Variants in RNF13 observed in about 807,000 individuals in gnomAD.
The protein encoded by RNF13 is E3 ubiquitin-protein ligase RNF13.
A neutral mutation model predicts 37.7 loss-of-function variants in RNF13; 19 were observed. The observed-to-expected ratio is 0.50, with a 90% CI of 0.35 to 0.74. The LOEUF (loss-of-function observed/expected upper bound fraction) is 0.74. Among genes scored for constraint, RNF13 ranks in the 30% least tolerant of loss-of-function variants. The probability of loss-of-function intolerance (pLI) is 0.01; values close to 1 mark genes in which losing one functional copy is unlikely to be tolerated. For missense variants in RNF13, 375 were observed against 453.0 expected (o/e 0.83, Z 1.56); for synonymous variants, 144 against 157.8 (o/e 0.91, Z 0.65).
chr3:149,951,341 C>A (rs1042310325), intron 8 of RNF13, among the ~76,000 whole-genome samples: 11 of 152,148 alleles, frequency 7.2e-5, no homozygotes, highest in African/African-American at 2.7e-4. Context: ...ACTGAGGATG[C>A]AAGTTGGGTG....
intron 7 of RNF13, among the ~76,000 whole-genome samples, chr3:149,915,393 C>A (rs1717403563): frequency 6.6e-6 from 1 of 152,116 alleles, no homozygotes; most frequent in South Asian, 2.1e-4. Flanking sequence ...ACTAGACAAT[C>A]CCTTGAGCAC....
chr3:149,825,863 C>T (rs1026483195), intron 1 of RNF13, among the ~76,000 whole-genome samples: 1 of 152,118 alleles, frequency 6.6e-6, no homozygotes, highest in Non-Finnish European at 1.5e-5. Flanking sequence ...AATCATGAAA[C>T]CACCTATATA....
At chr3:149,905,454 TAGA>T (rs1156289344) in intron 6 of RNF13, among the ~76,000 whole-genome samples, 1 of 152,086 alleles carries the variant, frequency 6.6e-6, no homozygotes, top group African/African-American at 2.4e-5. Flanking sequence ...TCCCTATTTT[TAGA>T]AGTTCTGTAT....
At chr3:149,852,472 A>G (rs1185369942) in intron 2 of RNF13, 44 bp from the exon 3 acceptor site, 7 of 821,782 alleles carry the variant, frequency 8.5e-6, no homozygotes, top group East Asian at 2.9e-5. Context: ...TTAATGTTAT[A>G]TATAAATTGG....
chr3:149,921,976 G>GT (rs1036889928), intron 8 of RNF13, among the ~76,000 whole-genome samples: 32 of 148,778 alleles, frequency 2.2e-4, no homozygotes, highest in Admixed American at 5.4e-4. Context: ...TTCCTGACTT[G>GT]TTTTTTTTTT....
chr3:149,847,439 C>T (rs1429050117), intron 2 of RNF13, among the ~76,000 whole-genome samples: 1 of 152,178 alleles, frequency 6.6e-6, no homozygotes, highest in Non-Finnish European at 1.5e-5. Context: ...TGTGCTTCTG[C>T]ACATTGCAGT....
chr3:149,868,424 A>T (rs1405766103), intron 3 of RNF13, among the ~76,000 whole-genome samples: 1 of 151,802 alleles, frequency 6.6e-6, no homozygotes, highest in East Asian at 1.9e-4. Flanking sequence ...ACTTTTGTTT[A>T]TCTGGGAAAA....
At chr3:149,923,784 GAAAA>G (rs1338072760) in intron 8 of RNF13, among the ~76,000 whole-genome samples, 10 of 142,502 alleles carry the variant, frequency 7.0e-5, no homozygotes, top group African/African-American at 2.6e-4. Flanking sequence ...AAAAAAAAAA[GAAAA>G]GTTTAAAAAA....
chr3:149,857,823 A>G (rs976954336), intron 3 of RNF13, among the ~76,000 whole-genome samples: 3 of 152,188 alleles, frequency 2.0e-5, no homozygotes, highest in African/African-American at 7.2e-5. Context: ...CCAAGTATTA[A>G]AGAATCATTA....
At chr3:149,855,666 T>G (rs1053026001) in intron 3 of RNF13, among the ~76,000 whole-genome samples, 1 of 151,788 alleles carries the variant, frequency 6.6e-6, no homozygotes, top group Admixed American at 6.6e-5. Flanking sequence ...GTTATTTCTC[T>G]AGGATAGAGG....
At chr3:149,874,073 T>TA (rs1230859242) in intron 4 of RNF13, among the ~76,000 whole-genome samples, 1 of 152,148 alleles carries the variant, frequency 6.6e-6, no homozygotes, top group African/African-American at 2.4e-5. Context: ...AGGGAAATGT[T>TA]AAAAAAATTC....
intron 4 of RNF13, among the ~76,000 whole-genome samples, chr3:149,874,630 G>C (rs1054074391): frequency 6.6e-6 from 1 of 152,118 alleles, no homozygotes; most frequent in Non-Finnish European, 1.5e-5. Context: ...AAATTAAATT[G>C]TCTGGTAAGT....
intron 4 of RNF13, among the ~76,000 whole-genome samples, chr3:149,887,204 A>G (rs1184432383): frequency 2.0e-5 from 3 of 152,182 alleles, no homozygotes; most frequent in Non-Finnish European, 4.4e-5. Flanking sequence ...CTTTACATGG[A>G]ACTCAGTGCT....
At chr3:149,902,275 A>T (rs1274407172) in intron 6 of RNF13, 113 bp downstream of exon 6, 4 of 504,288 alleles carry the variant, frequency 7.9e-6, no homozygotes, top group African/African-American at 2.0e-5. Flanking sequence ...GTAGTGCTAA[A>T]TTATCCCTTT....
At position 149,962,106 on chromosome 3, in the gene RNF13, A is replaced by G. The variant is rs1196386744; in HGVS notation, c.*1002A>G. On this transcript the variant is annotated 3_prime_UTR_variant, in exon 10 of 10. Transcript: ENST00000392894. ...CTTGTATGAGGGGAGTTTGAATGTT[A>G]ATAAACATGTTTTCCACTTTAAGAT... 1.3e-5 allele frequency: 2 copies of G among 152,628 alleles called. No homozygotes were observed. Among genetic ancestry groups the G allele is most frequent in the African/African-American group, 4.8e-5 (2 of 41,442 alleles). 9.5% of individuals were successfully genotyped at this position (152,628 alleles called of 1,614,324 possible). A position where few individuals can be genotyped will look rare whatever the true frequency, so the allele number is the denominator to read the frequency against.
intron 1 of RNF13, among the ~76,000 whole-genome samples, chr3:149,827,466 G>T (rs183992557): frequency 6.6e-6 from 1 of 151,724 alleles, no homozygotes; most frequent in East Asian, 1.9e-4. Context: ...TTTGAGCATA[G>T]AGGCTCTGCA....
At chr3:149,844,466 T>C (rs1237559811) in intron 1 of RNF13, among the ~76,000 whole-genome samples, 1 of 152,196 alleles carries the variant, frequency 6.6e-6, no homozygotes, top group African/African-American at 2.4e-5. Context: ...GGGTTGTTAA[T>C]ATAGACACTC....
At chr3:149,837,244 T>G (rs1194113558) in intron 1 of RNF13, among the ~76,000 whole-genome samples, 1 of 152,228 alleles carries the variant, frequency 6.6e-6, no homozygotes, top group African/African-American at 2.4e-5. Flanking sequence ...ATTATATAAA[T>G]TCTCAAACAT....
intron 8 of RNF13, among the ~76,000 whole-genome samples, chr3:149,943,295 G>A (rs550948231): frequency 3.3e-5 from 5 of 151,432 alleles, no homozygotes; most frequent in East Asian, 1.9e-4. Flanking sequence ...AATGTACTGA[G>A]ATATCCCAAT....
Sources: allele counts gnomAD v4.1 joint callset (sites outside exome capture counted in the v4.1 genomes callset), GRCh38; gene constraint gnomAD v4.1.1; transcripts MANE v1.5; gene names NCBI Gene and HGNC (gene_info 2026-07-23, HGNC 2026-07-21).